Variants in THEMIS observed in about 807,000 individuals in gnomAD.
THEMIS encodes protein THEMIS.
In THEMIS, 37 loss-of-function variants were observed where a neutral mutation model predicts 52.6. The observed-to-expected ratio is 0.70, with a 90% CI of 0.54 to 0.93. The LOEUF (loss-of-function observed/expected upper bound fraction) is 0.93. Among genes scored for constraint, THEMIS ranks in the 40% least tolerant of loss-of-function variants. The pLI is 0.00. For synonymous variants in THEMIS, 292 were observed against 272.7 expected (o/e 1.07, Z -0.70); for missense variants, 808 against 763.1 (o/e 1.06, Z -0.69).
intron 2 of THEMIS, among the ~76,000 whole-genome samples, chr6:127,836,719 A>T (rs1354514871): frequency 1.3e-5 from 2 of 152,138 alleles, no homozygotes; most frequent in Admixed American, 6.5e-5. Flanking sequence ...AGGCAATAAA[A>T]CTAACTTCAA....
At chr6:127,868,018 A>G (rs1780037199) in intron 1 of THEMIS, among the ~76,000 whole-genome samples, 1 of 152,078 alleles carries the variant, frequency 6.6e-6, no homozygotes, top group Non-Finnish European at 1.5e-5. Flanking sequence ...CTCTACAGTC[A>G]AGTTCAAATC....
intron 1 of THEMIS, among the ~76,000 whole-genome samples, chr6:127,881,807 G>A (rs1780492367): frequency 6.6e-6 from 1 of 151,708 alleles, no homozygotes; most frequent in South Asian, 2.1e-4. Flanking sequence ...TTCCATTCAA[G>A]CACATATACA....
intron 4 of THEMIS, among the ~76,000 whole-genome samples, chr6:127,763,806 G>A (rs1403141987): frequency 6.6e-6 from 1 of 151,862 alleles, no homozygotes; most frequent in African/African-American, 2.4e-5. Context: ...GTAAATCAAT[G>A]AAACTGATGA....
Position 127,798,605 on chromosome 6 carries a change from T to G in THEMIS, c.1758+14278A>C, listed in dbSNP as rs542769440. ...AATATTAATAACACTCATAGGGATA[T>G]GGAAAGAATTGAATGAGAACTATTT... On this transcript the variant is annotated intron_variant, in intron 4 of 5. Coordinates refer to ENST00000368248, the MANE Select transcript of THEMIS (RefSeq NM_001010923.3). Among the ~76,000 whole-genome samples, 6 of 152,184 alleles carry G rather than the reference T, an allele frequency of 3.9e-5. No homozygotes were observed. The South Asian group carries it at 1.0e-3, about 26-fold the overall frequency.
At chr6:127,719,556 G>A in intron 5 of THEMIS, 132 bp downstream of exon 5, 2 of 685,050 alleles carry the variant, frequency 2.9e-6, no homozygotes, top group Non-Finnish European at 2.4e-6. Context: ...AATGTGATTG[G>A]CAGAGCAGGG....
intron 4 of THEMIS, among the ~76,000 whole-genome samples, chr6:127,752,122 GA>G (rs1180248641): frequency 2.0e-5 from 3 of 151,536 alleles, no homozygotes; most frequent in African/African-American, 7.3e-5. Context: ...AAACAAAAAT[GA>G]AAACACAACA....
intron 1 of THEMIS, among the ~76,000 whole-genome samples, chr6:127,918,036 T>TGTACAG (rs1279506708): frequency 2.6e-5 from 4 of 152,222 alleles, no homozygotes; most frequent in Non-Finnish European, 5.9e-5. Flanking sequence ...GGATAAGTAT[T>TGTACAG]GATTTTTAAG....
intron 1 of THEMIS, among the ~76,000 whole-genome samples, chr6:127,867,914 T>C (rs1780033147): frequency 6.8e-6 from 1 of 147,276 alleles, no homozygotes; most frequent in African/African-American, 2.5e-5. Flanking sequence ...ACTGAAGGAA[T>C]TACTATTAAA....
At position 127,813,434 on chromosome 6, in the gene THEMIS, C is replaced by G; in HGVS notation, c.1207G>C (p.Gly403Arg). ...QSETTEVLCE[G>R]IKKVVNVLAC... The stretch of plus-strand genomic sequence containing the variant: ...AGAACATTCACCACTTTTTTTATTC[C>G]CTCACAGAGGACTTCAGTCGTCTCT... Residue 403 changes from glycine to arginine, a missense_variant, in exon 4 of 6, where the codon GGA becomes CGA. Transcript: ENST00000368248. 6.2e-7 allele frequency: 1 copy of G among 1,613,774 alleles called. No homozygotes were observed. Among genetic ancestry groups the G allele is most frequent in the Non-Finnish European group, 8.5e-7 (1 of 1,179,912 alleles).
chr6:127,831,002 A>G (rs1338953541), intron 2 of THEMIS, among the ~76,000 whole-genome samples: 2 of 152,234 alleles, frequency 1.3e-5, no homozygotes, highest in Non-Finnish European at 2.9e-5. Context: ...ACAACATAAT[A>G]TATCACATAA....
At chr6:127,902,481 G>T (rs552522776), upstream of THEMIS, among the ~76,000 whole-genome samples, 4 of 152,118 alleles carry the variant, frequency 2.6e-5, no homozygotes, top group African/African-American at 9.6e-5. Flanking sequence ...CATACAGAGG[G>T]TCAGGGGACA....
chr6:127,769,603 G>A (rs868857065), intron 4 of THEMIS, among the ~76,000 whole-genome samples: 3 of 151,912 alleles, frequency 2.0e-5, no homozygotes, highest in Middle Eastern at 3.5e-3. Flanking sequence ...TTAGACAAAG[G>A]CCCTTAAAAA....
At chr6:127,872,564 A>G (rs1294567172) in intron 1 of THEMIS, among the ~76,000 whole-genome samples, 2 of 152,172 alleles carry the variant, frequency 1.3e-5, no homozygotes, top group African/African-American at 2.4e-5. Flanking sequence ...TCTGTCTCAA[A>G]AGAAAAAAAC....
chr6:127,753,030 G>C (rs925791822), intron 4 of THEMIS, among the ~76,000 whole-genome samples: 1 of 151,788 alleles, frequency 6.6e-6, no homozygotes, highest in Non-Finnish European at 1.5e-5. Flanking sequence ...CAATAAATAT[G>C]ATACACCACA....
chr6:127,891,814 T>G lies in THEMIS; in HGVS notation c.91+9028A>C, dbSNP rs563257290. Among the ~76,000 whole-genome samples, 11 of 152,252 alleles carry G rather than the reference T, an allele frequency of 7.2e-5. 1 individual carries two copies. The South Asian group carries it at 2.3e-3, about 32-fold the overall frequency. The stretch of plus-strand genomic sequence containing the variant: ...TGGCGTCTCATAAAACCCAAACTCC[T>G]TGAAATGCTCTTGCCCACTCCTTAA... On this transcript the variant is annotated intron_variant, in intron 1 of 5. Coordinates refer to ENST00000368248, the MANE Select transcript of THEMIS (RefSeq NM_001010923.3).
intron 4 of THEMIS, among the ~76,000 whole-genome samples, chr6:127,754,206 A>G (rs1467813584): frequency 6.6e-6 from 1 of 152,212 alleles, no homozygotes; most frequent in African/African-American, 2.4e-5. Flanking sequence ...CTACATTTGG[A>G]TAAAGGGCTT....
At chr6:127,792,882 C>T (rs1194927547) in intron 4 of THEMIS, among the ~76,000 whole-genome samples, 1 of 152,190 alleles carries the variant, frequency 6.6e-6, no homozygotes, top group African/African-American at 2.4e-5. Context: ...TGAACAGGTA[C>T]ACTTTTTCCC....
intron 1 of THEMIS, among the ~76,000 whole-genome samples, chr6:127,912,444 G>T (rs1487019988): frequency 6.6e-6 from 1 of 152,154 alleles, no homozygotes; most frequent in East Asian, 1.9e-4. Context: ...AGCTGTCCTT[G>T]TTCATTCCTG....
intron 3 of THEMIS, among the ~76,000 whole-genome samples, chr6:127,818,559 C>T (rs1378108527): frequency 6.7e-6 from 1 of 150,258 alleles, no homozygotes; most frequent in African/African-American, 2.4e-5. Flanking sequence ...GTTTATTTTA[C>T]CTGAAACATC....
Sources: allele counts gnomAD v4.1 joint callset (sites outside exome capture counted in the v4.1 genomes callset), GRCh38; gene constraint gnomAD v4.1.1; transcripts MANE v1.5; gene names NCBI Gene and HGNC (gene_info 2026-07-23, HGNC 2026-07-21).